THTPA: variants seen among roughly 807,000 people sequenced by gnomAD.
The protein encoded by THTPA is thiamine-triphosphatase.
In THTPA, 16 loss-of-function variants were observed where a neutral mutation model predicts 16.5. The ratio of observed to expected loss-of-function variants is 0.97; its 90% CI spans 0.66 to 1.47. The LOEUF (loss-of-function observed/expected upper bound fraction) is 1.47. Among genes scored for constraint, THTPA ranks in the 40% most tolerant of loss-of-function variants. The pLI is 0.00. For missense variants in THTPA, 281 were observed against 280.9 expected (o/e 1.00, Z 0.00); for synonymous variants, 110 against 115.5 (o/e 0.95, Z 0.30).
chr14:23,533,093 CAG>C, the THTPA span: 1 of 1,508,406 alleles, frequency 6.6e-7, no homozygotes, highest in Non-Finnish European at 8.8e-7. The surrounding 1 kb of genome is among the most constrained non-coding windows in gnomAD (Gnocchi z 4.8). Flanking sequence ...GGCTAGAGGA[CAG>C]AGACAGATTA....
upstream of THTPA, among the ~76,000 whole-genome samples, chr14:23,553,921 G>A (rs1166319392): frequency 6.6e-6 from 1 of 151,820 alleles, no homozygotes; most frequent in Admixed American, 6.6e-5. Flanking sequence ...AAAATTAGGA[G>A]GGTGGGGTGG....
chr14:23,552,542 C>T (rs1459778038), upstream of THTPA, among the ~76,000 whole-genome samples: 1 of 152,020 alleles, frequency 6.6e-6, no homozygotes, highest in Non-Finnish European at 1.5e-5. Context: ...CCGCCTGCCT[C>T]GGCCTCCCAA....
chr14:23,527,092 C>T, the THTPA span: 2,083 of 1,369,594 alleles, frequency 1.5e-3, 5 homozygotes, highest in Admixed American at 2.9e-3. Flanking sequence ...GATCCAGCCT[C>T]CTGTCTGAAC....
chr14:23,523,812 G>A, the THTPA span: 2 of 1,536,222 alleles, frequency 1.3e-6, no homozygotes, highest in Admixed American at 3.9e-5. This position sits in a 1 kb window ranked among gnomAD's most constrained non-coding sequence, Gnocchi z 4.1. Context: ...CCAGCCCCAG[G>A]GGATTCTGGT....
chr14:23,557,896 A>G (rs1032593182), intron 1 of THTPA, among the ~76,000 whole-genome samples: 23 of 152,222 alleles, frequency 1.5e-4, no homozygotes, highest in African/African-American at 5.1e-4. Flanking sequence ...TGAGAGTCCA[A>G]CCAGTCTTGT....
the THTPA span, chr14:23,530,371 G>C: frequency 1.4e-6 from 1 of 701,566 alleles, no homozygotes; most frequent in Non-Finnish European, 2.6e-6. Context: ...GAAGATAGAG[G>C]GAAAATTACA....
At chr14:23,525,212 A>G in the THTPA span, 16 of 1,535,976 alleles carry the variant, frequency 1.0e-5, no homozygotes, top group African/African-American at 1.4e-5. The surrounding 1 kb of genome is among the most constrained non-coding windows in gnomAD (Gnocchi z 5.9). Flanking sequence ...TTCCTCTTCT[A>G]TGGGCCAGTG....
chr14:23,523,407 G>A, the THTPA span: 1 of 1,524,774 alleles, frequency 6.6e-7, no homozygotes, highest in African/African-American at 1.4e-5. This position sits in a 1 kb window ranked among gnomAD's most constrained non-coding sequence, Gnocchi z 4.1. Context: ...AGCTGGGCTC[G>A]AACCGCCTCC....
At chr14:23,525,945 G>A in the THTPA span, 1 of 1,490,134 alleles carries the variant, frequency 6.7e-7, no homozygotes, top group Non-Finnish European at 8.9e-7. This position sits in a 1 kb window ranked among gnomAD's most constrained non-coding sequence, Gnocchi z 5.9. Context: ...GGGAATCGGT[G>A]CAGGTCCAAG....
At chr14:23,518,869 C>A in the THTPA span, among the ~76,000 whole-genome samples, 20 of 152,336 alleles carry the variant, frequency 1.3e-4, no homozygotes, top group Admixed American at 1.2e-3. The surrounding 1 kb of genome is among the most constrained non-coding windows in gnomAD (Gnocchi z 4.5). Flanking sequence ...CACCAGAATG[C>A]CCACTGTGCA....
the THTPA span, among the ~76,000 whole-genome samples, chr14:23,548,024 C>G: frequency 6.6e-6 from 1 of 152,164 alleles, no homozygotes; most frequent in Non-Finnish European, 1.5e-5. Context: ...CTTCCCTTTT[C>G]TCAATCCCTG....
chr14:23,531,564 A>C, the THTPA span: 7 of 1,524,610 alleles, frequency 4.6e-6, no homozygotes, highest in Non-Finnish European at 6.1e-6. Flanking sequence ...GCCATTCTGT[A>C]GCAGCTGCAG....
chr14:23,517,385 T>C, the THTPA span, among the ~76,000 whole-genome samples: 143 of 152,334 alleles, frequency 9.4e-4, 1 homozygote, highest in Non-Finnish European at 1.5e-3. Context: ...TTTTATAATG[T>C]ATCTGAGCTA....
chr14:23,524,082 T>G, the THTPA span: 1 of 1,526,994 alleles, frequency 6.5e-7, no homozygotes, highest in Admixed American at 2.0e-5. This position sits in a 1 kb window ranked among gnomAD's most constrained non-coding sequence, Gnocchi z 5.6. Context: ...TCCCTCCCAG[T>G]GCCATCATCT....
At chr14:23,551,861 C>A (rs1881987595), upstream of THTPA, among the ~76,000 whole-genome samples, 1 of 152,196 alleles carries the variant, frequency 6.6e-6, no homozygotes, top group Non-Finnish European at 1.5e-5. The surrounding 1 kb of genome is among the most constrained non-coding windows in gnomAD (Gnocchi z 5.3). Flanking sequence ...TTCGCGCCCG[C>A]CCGCCTGCCT....
chr14:23,527,624 C>T, the THTPA span: 112 of 1,536,516 alleles, frequency 7.3e-5, no homozygotes, highest in African/African-American at 1.6e-4. Context: ...AGCTTCTCAA[C>T]GCACTCGGGC....
the THTPA span, chr14:23,522,673 A>T: frequency 6.5e-7 from 1 of 1,536,548 alleles, no homozygotes; most frequent in Non-Finnish European, 8.7e-7. Context: ...GGGCTGGGAC[A>T]GTGGTCTTCA....
the THTPA span, chr14:23,523,417 C>G: frequency 6.5e-7 from 1 of 1,530,982 alleles, no homozygotes; most frequent in African/African-American, 1.4e-5. This position sits in a 1 kb window ranked among gnomAD's most constrained non-coding sequence, Gnocchi z 4.1. Context: ...GAACCGCCTC[C>G]TTGAGCTTGG....
At chr14:23,533,261 G>A in the THTPA span, 9 of 1,435,812 alleles carry the variant, frequency 6.3e-6, no homozygotes, top group Non-Finnish European at 8.2e-6. This position sits in a 1 kb window ranked among gnomAD's most constrained non-coding sequence, Gnocchi z 4.8. Context: ...GAGGAGAGAA[G>A]AGGGAAGAAG....
Sources: gnomAD v4.1 joint callset for allele counts (sites outside exome capture counted in the v4.1 genomes callset) on GRCh38, gnomAD v4.1.1 for gene constraint, Gnocchi (gnomAD v3.1) non-coding constraint, MANE v1.5 for transcripts, NCBI Gene and HGNC (gene_info 2026-07-23, HGNC 2026-07-21) for gene names.